TIAM1: variants seen among roughly 807,000 people sequenced by gnomAD.
TIAM1 encodes the protein rho guanine nucleotide exchange factor TIAM1.
In TIAM1, 65 loss-of-function variants were observed where a neutral mutation model predicts 163.5. The observed-to-expected ratio is 0.40, with a 90% CI of 0.33 to 0.49. The LOEUF (loss-of-function observed/expected upper bound fraction) is 0.49. Ranked by LOEUF, TIAM1 falls within the 20% of genes least tolerant of loss-of-function variation. The pLI is 0.77. For synonymous variants in TIAM1, 833 were observed against 810.1 expected (o/e 1.03, Z -0.48); for missense variants, 1,789 against 2,044.7 (o/e 0.87, Z 2.41).
At chr21:31,208,302 T>C (rs1402958556) in intron 11 of TIAM1, among the ~76,000 whole-genome samples, 1 of 152,208 alleles carries the variant, frequency 6.6e-6, no homozygotes, top group African/African-American at 2.4e-5. Flanking sequence ...GTGCACAGGA[T>C]GCTCCAAAGC....
intron 2 of TIAM1, among the ~76,000 whole-genome samples, chr21:31,292,832 C>A (rs1473013928): frequency 1.3e-5 from 2 of 151,598 alleles, no homozygotes; most frequent in Non-Finnish European, 2.9e-5. Context: ...CCACGCCTGG[C>A]TAATTTTTGT....
At chr21:31,423,720 A>C (rs1190008721) in intron 2 of TIAM1, among the ~76,000 whole-genome samples, 3 of 151,074 alleles carry the variant, frequency 2.0e-5, no homozygotes, top group African/African-American at 7.3e-5. Flanking sequence ...AAAAAAAAAA[A>C]AAAAAAAAAC....
At chr21:31,317,405 A>G (rs2075163799) in intron 2 of TIAM1, among the ~76,000 whole-genome samples, 1 of 152,142 alleles carries the variant, frequency 6.6e-6, no homozygotes. Context: ...GTGAGCCAAG[A>G]TCGCGCCATT....
chr21:31,461,934 C>T (rs1165887667), intron 2 of TIAM1, among the ~76,000 whole-genome samples: 2 of 152,138 alleles, frequency 1.3e-5, no homozygotes, highest in Admixed American at 6.5e-5. Context: ...CCCAAAGTGC[C>T]GGGATTACAG....
At chr21:31,380,633 G>C (rs563777388) in intron 2 of TIAM1, among the ~76,000 whole-genome samples, 1 of 152,142 alleles carries the variant, frequency 6.6e-6, no homozygotes, top group East Asian at 1.9e-4. Flanking sequence ...GATTCGAAAG[G>C]GGTATGAATT....
At chr21:31,463,616 G>A (rs1489495477) in intron 2 of TIAM1, among the ~76,000 whole-genome samples, 1 of 152,018 alleles carries the variant, frequency 6.6e-6, no homozygotes, top group African/African-American at 2.4e-5. Context: ...TAAGGAGTTC[G>A]AGACCAGCCT....
At chr21:31,495,443 C>T (rs759582856) in intron 1 of TIAM1, among the ~76,000 whole-genome samples, 8 of 152,234 alleles carry the variant, frequency 5.3e-5, no homozygotes, top group South Asian at 2.1e-4. Context: ...AGCCAAATGC[C>T]GCGTAAAGTC....
chr21:31,166,348 G>A (rs1035893098), intron 15 of TIAM1, among the ~76,000 whole-genome samples: 3 of 152,210 alleles, frequency 2.0e-5, no homozygotes, highest in Non-Finnish European at 4.4e-5. Flanking sequence ...GGAGCAGAAG[G>A]AGCCCCTGAT....
intron 2 of TIAM1, among the ~76,000 whole-genome samples, chr21:31,304,916 C>T (rs564685811): frequency 2.7e-4 from 41 of 152,290 alleles, no homozygotes; most frequent in South Asian, 1.2e-3. Context: ...TGGTCTCAAA[C>T]TCCTGACCTC....
At chr21:31,281,741 A>G (rs1033767615) in intron 2 of TIAM1, among the ~76,000 whole-genome samples, 2 of 151,938 alleles carry the variant, frequency 1.3e-5, no homozygotes, top group Non-Finnish European at 2.9e-5. Flanking sequence ...TAATAGATAT[A>G]TGGATGAATG....
chr21:31,455,868 C>A (rs558905274), intron 2 of TIAM1, among the ~76,000 whole-genome samples: 2 of 152,290 alleles, frequency 1.3e-5, no homozygotes, highest in Admixed American at 1.3e-4. Flanking sequence ...GAACTGATCT[C>A]AACTGAAGGA....
At chr21:31,335,513 T>C (rs2268230) in intron 2 of TIAM1, among the ~76,000 whole-genome samples, 16,593 of 152,062 alleles carry the variant, frequency 0.11, 1,276 homozygotes, top group East Asian at 0.44. Flanking sequence ...AAGACCATCC[T>C]GGCCAACACG....
intron 2 of TIAM1, among the ~76,000 whole-genome samples, chr21:31,451,314 C>T (rs1022355147): frequency 6.6e-6 from 1 of 152,120 alleles, no homozygotes; most frequent in African/African-American, 2.4e-5. Flanking sequence ...GACTGGCTGC[C>T]AAACAGCAGC....
chr21:31,503,215 C>G (rs2084793452), intron 1 of TIAM1, among the ~76,000 whole-genome samples: 1 of 151,616 alleles, frequency 6.6e-6, no homozygotes, highest in Non-Finnish European at 1.5e-5. Context: ...GCCAACACAG[C>G]AAAACCCCGT....
intron 3 of TIAM1, among the ~76,000 whole-genome samples, chr21:31,275,413 C>T (rs913638628): frequency 3.9e-4 from 59 of 152,026 alleles, no homozygotes; most frequent in Admixed American, 3.9e-3. Context: ...CTGACAGCTA[C>T]AACAAAACGG....
intron 1 of TIAM1, among the ~76,000 whole-genome samples, chr21:31,542,229 TCCTGGCTAACACG>T (rs1268519301): frequency 6.6e-6 from 1 of 151,720 alleles, no homozygotes; most frequent in Admixed American, 6.6e-5. Context: ...AACGAGACCA[TCCTGGCTAACACG>T]GTGAAACTCC....
intron 27 of TIAM1, 35 bp downstream of exon 27, chr21:31,124,487 G>A: frequency 6.2e-7 from 1 of 1,610,098 alleles, no homozygotes; most frequent in Non-Finnish European, 8.5e-7. Flanking sequence ...GAGTGGGGGT[G>A]ACGGGAATCT....
intron 1 of TIAM1, among the ~76,000 whole-genome samples, chr21:31,543,326 C>T (rs758353035): frequency 1.3e-5 from 2 of 152,208 alleles, no homozygotes; most frequent in Non-Finnish European, 2.9e-5. Context: ...TGGCAATGAC[C>T]TGCGCGTCAT....
chr21:31,234,598 T>C (rs1280760251), intron 6 of TIAM1, among the ~76,000 whole-genome samples: 1 of 151,760 alleles, frequency 6.6e-6, no homozygotes, highest in Non-Finnish European at 1.5e-5. Context: ...CTAGGCAACA[T>C]GGCAAAACCC....
Sources: allele counts gnomAD v4.1 joint callset (sites outside exome capture counted in the v4.1 genomes callset), GRCh38; gene constraint gnomAD v4.1.1; transcripts MANE v1.5; gene names NCBI Gene and HGNC (gene_info 2026-07-23, HGNC 2026-07-21).